Variants in CTNNB1 observed in about 807,000 individuals in gnomAD.
The protein encoded by CTNNB1 is catenin beta 1, also known as catenin beta-1.
CTNNB1 carries 6 observed loss-of-function variants against 82.5 expected under a neutral mutation model. The observed-to-expected ratio is 0.07, with a 90% CI of 0.04 to 0.14. The LOEUF (loss-of-function observed/expected upper bound fraction) is 0.14, where lower values mean the gene tolerates loss of function less well. CTNNB1 is among the 10% of genes least tolerant of loss of function. The pLI is 1.00. For synonymous variants in CTNNB1, 312 were observed against 329.7 expected, an observed-to-expected ratio of 0.95 and a Z score of 0.58; for missense variants, 529 against 980.4, an observed-to-expected ratio of 0.54 and a Z score of 6.15.
At chr3:41,218,168 A>G (rs1284153130) in intron 1 of CTNNB1, among the ~76,000 whole-genome samples, 3 of 152,140 alleles carry the variant, frequency 2.0e-5, no homozygotes, top group African/African-American at 7.2e-5. Flanking sequence ...TGATAGTTGG[A>G]ATTACAAGCC....
chr3:41,217,382 G>A (rs901522103), intron 1 of CTNNB1, among the ~76,000 whole-genome samples: 2 of 152,158 alleles, frequency 1.3e-5, no homozygotes, highest in South Asian at 2.1e-4. Context: ...TTCACTGTAT[G>A]TATGATCTTG....
chr3:41,224,449 C>T, intron 2 of CTNNB1, 77 bp from the exon 3 acceptor site: 1 of 1,316,188 alleles, frequency 7.6e-7, no homozygotes, highest in Non-Finnish European at 1.1e-6. Flanking sequence ...TTCAATGGGT[C>T]ATATCACAGA....
chr3:41,215,972 C>CT (rs2077908530), intron 1 of CTNNB1, among the ~76,000 whole-genome samples: 1 of 152,078 alleles, frequency 6.6e-6, no homozygotes, highest in East Asian at 1.9e-4. Flanking sequence ...TAACCCCTGT[C>CT]TTTCATTTAT....
intron 13 of CTNNB1, 174 bp downstream of exon 13, chr3:41,236,883 C>CT: frequency 1.4e-6 from 1 of 738,166 alleles, no homozygotes; most frequent in South Asian, 1.7e-5. Context: ...ATAATACAAG[C>CT]TTTAAAGAGT....
Position 41,225,523 on chromosome 3 carries a change from C to T in CTNNB1, c.685C>T (p.Leu229=), listed in dbSNP as rs1453237622. ...HNLSHHREGL[L]AIFKSGGIPA... ...CCTTTCCCATCATCGTGAGGGCTTA[C>T]TGGCCATCTTTAAGTCTGGAGGCAT... Residue 229 remains leucine (L), a synonymous_variant, in exon 5 of 15, where the codon CTG becomes TTG. Coordinates refer to ENST00000349496, the MANE Select transcript of CTNNB1 (RefSeq NM_001904.4). The surrounding 1 kb of genome is among the most constrained non-coding windows in gnomAD (Gnocchi z 5.3). The T allele has an allele frequency of 4.3e-6, 7 of 1,614,128 alleles. No homozygotes were observed. The highest frequency in any genetic ancestry group is 3.3e-5 in the Admixed American group (2 of 59,974).
rs2125620187 is a variant in CTNNB1 at position 41,225,047 on chromosome 3, C to T, written c.335C>T (p.Thr112Ile). 6.2e-7 allele frequency: 1 copy of T among 1,614,098 alleles called. No individual in the cohort carries two copies. The highest frequency in any genetic ancestry group is 8.5e-7 in the Non-Finnish European group (1 of 1,179,970). The change falls in exon 4 of 15, where the codon ACA (threonine) becomes ATA (isoleucine). Residue 112 changes from threonine (T) to isoleucine (I), a missense_variant. Thr to Ile is a moderately conservative substitution (Grantham distance 89, BLOSUM62 -1). Around this residue, in one of 4 missense-constraint regions of CTNNB1, gnomAD observed 411 missense variants for 776.4 expected, o/e 0.53. Transcript: ENST00000349496. This position sits in a 1 kb window ranked among gnomAD's most constrained non-coding sequence, Gnocchi z 5.3. ...GATGAGGGCATGCAGATCCCATCTA[C>T]ACAGTTTGATGCTGCTCATCCCACT... is the stretch of plus-strand genomic sequence containing the variant. ...TLDEGMQIPS[T>I]QFDAAHPTNV...
intron 1 of CTNNB1, among the ~76,000 whole-genome samples, chr3:41,209,249 T>C (rs919601068): frequency 6.6e-6 from 1 of 152,230 alleles, no homozygotes; most frequent in Non-Finnish European, 1.5e-5. Flanking sequence ...TATCATAGCT[T>C]TATACAGATG....
At chr3:41,215,393 A>AAAC (rs964216919) in intron 1 of CTNNB1, among the ~76,000 whole-genome samples, 5 of 150,180 alleles carry the variant, frequency 3.3e-5, no homozygotes, top group African/African-American at 1.2e-4. Context: ...AAAAAAAAAA[A>AAAC]AAAAAAAAAA....
chr3:41,224,502 GCTAATA>G lies in CTNNB1; in HGVS notation c.14-21_14-16del, dbSNP rs2078127782. 1 of 1,573,174 alleles carries G rather than the reference GCTAATA, an allele frequency of 6.4e-7. No individual in the cohort carries two copies. Among genetic ancestry groups the G allele is most frequent in the African/African-American group, 1.3e-5 (1 of 74,108 alleles). ...AAAGTAACATTTCCAATCTACTAAT[GCTAATA>G]CTGTTTCGTATTTATAGCTGATTTG... is the stretch of plus-strand genomic sequence containing the variant. On this transcript the variant is annotated intron_variant, in intron 2 of 14. Coordinates refer to ENST00000349496, the MANE Select transcript of CTNNB1 (RefSeq NM_001904.4).
intron 1 of CTNNB1, among the ~76,000 whole-genome samples, chr3:41,219,765 C>G (rs2077998445): frequency 1.3e-5 from 2 of 152,116 alleles, no homozygotes; most frequent in South Asian, 4.1e-4. Flanking sequence ...AAAATTCTTA[C>G]CCTTAAACTC....
At chr3:41,204,677 C>T (rs1362503438) in intron 1 of CTNNB1, among the ~76,000 whole-genome samples, 1 of 152,226 alleles carries the variant, frequency 6.6e-6, no homozygotes, top group Non-Finnish European at 1.5e-5. Context: ...CAATGTACAT[C>T]TCTTGATTTG....
chr3:41,208,972 G>A (rs949920957), intron 1 of CTNNB1, among the ~76,000 whole-genome samples: 1 of 151,994 alleles, frequency 6.6e-6, no homozygotes, highest in East Asian at 1.9e-4. Flanking sequence ...ATGTACTCCC[G>A]TTTTCTTTTG....
intron 10 of CTNNB1, 179 bp downstream of exon 10, chr3:41,234,476 G>A: frequency 3.0e-6 from 2 of 671,036 alleles, no homozygotes; most frequent in South Asian, 1.8e-5. Context: ...AAGGCATAGT[G>A]TGGCCCCAGT....
At chr3:41,237,046 A>G (rs544378525) in intron 13 of CTNNB1, 19 of 430,086 alleles carry the variant, frequency 4.4e-5, no homozygotes, top group South Asian at 2.1e-4. Flanking sequence ...GTTTATCAGT[A>G]TTTTTTACTA....
rs754218841 is a variant in CTNNB1, at chr3:41,225,239, G to A, written c.495+32G>A. On this transcript the variant is annotated intron_variant, in intron 4 of 14. Coordinates refer to ENST00000349496, the MANE Select transcript of CTNNB1 (RefSeq NM_001904.4). This position sits in a 1 kb window ranked among gnomAD's most constrained non-coding sequence, Gnocchi z 5.3. ...AATGACATAGCTAGCTTTTTAGTCT[G>A]CTTTGAAGTAAATGCTCAAGGGGAG... The A allele has an allele frequency of 3.1e-6, 5 of 1,614,000 alleles. No individual in the cohort carries two copies. Among genetic ancestry groups the A allele is most frequent in the East Asian group, 4.5e-5 (2 of 44,886 alleles).
chr3:41,238,588 A>T (rs769424043), intron 14 of CTNNB1: 4 of 194,178 alleles, frequency 2.1e-5, no homozygotes, highest in African/African-American at 2.4e-5. Context: ...CTACCTAATT[A>T]TGAAACCACT....
intron 1 of CTNNB1, among the ~76,000 whole-genome samples, chr3:41,214,778 C>CT (rs1396374551): frequency 1.3e-5 from 2 of 149,182 alleles, no homozygotes; most frequent in South Asian, 2.1e-4. Context: ...TTTTGGATAG[C>CT]TAAAAAAAAA....
At position 41,233,973 on chromosome 3, in the gene CTNNB1, T is replaced by C. The variant is rs189263706; in HGVS notation, c.1524+106T>C. ...TAGTGATCAATAAGTAGGAATTGTA[T>C]TCCTTAGTAAGTAGGAAGTATGGCT... On this transcript the variant is annotated intron_variant, in intron 9 of 14. Coordinates refer to ENST00000349496, the MANE Select transcript of CTNNB1 (RefSeq NM_001904.4). The C allele has an allele frequency of 5.6e-6, 8 of 1,437,842 alleles. No individual in the cohort carries two copies. The Admixed American group carries it at 8.5e-5, about 15-fold the overall frequency. 89.1% of individuals were successfully genotyped at this position (1,437,842 alleles called of 1,614,324 possible).
At chr3:41,224,156 C>T in intron 2 of CTNNB1, 75 bp downstream of exon 2, 1 of 1,515,698 alleles carries the variant, frequency 6.6e-7, no homozygotes, top group Non-Finnish European at 9.2e-7. Flanking sequence ...GGCTGAGATC[C>T]CCCTGCTTTC....
Sources: gnomAD v4.1 joint callset for allele counts (sites outside exome capture counted in the v4.1 genomes callset) on GRCh38, gnomAD v4.1.1 for gene constraint, gnomAD v4.1.1 regional missense constraint, Gnocchi (gnomAD v3.1) non-coding constraint, MANE v1.5 for transcripts, NCBI Gene and HGNC (gene_info 2026-07-23, HGNC 2026-07-21) for gene names.